The following LOC400499 variants were observed in gnomAD, a reference collection of about 807,000 sequenced individuals.
chr16:11,424,841 T>G, the LOC400499 span, among the ~76,000 whole-genome samples: 1 of 152,174 alleles, frequency 6.6e-6, no homozygotes, highest in East Asian at 1.9e-4. Context: ...GCACAAGCTG[T>G]CCCAGGGAAT....
the LOC400499 span, among the ~76,000 whole-genome samples, chr16:11,509,250 T>A: frequency 6.6e-6 from 1 of 151,574 alleles, no homozygotes; most frequent in Admixed American, 6.6e-5. Context: ...CCTGAGTAGC[T>A]GGGACTACAG....
At chr16:11,377,034 G>T in the LOC400499 span, among the ~76,000 whole-genome samples, 2 of 151,096 alleles carry the variant, frequency 1.3e-5, no homozygotes, top group South Asian at 2.1e-4. Flanking sequence ...AAAACTGACA[G>T]CCTTGACCTC....
At chr16:11,380,601 A>C in the LOC400499 span, among the ~76,000 whole-genome samples, 1 of 152,184 alleles carries the variant, frequency 6.6e-6, no homozygotes, top group African/African-American at 2.4e-5. Context: ...GTAACTTATA[A>C]CCACCTTTTA....
chr16:11,474,115 TC>T, the LOC400499 span, among the ~76,000 whole-genome samples: 1 of 152,208 alleles, frequency 6.6e-6, no homozygotes, highest in Non-Finnish European at 1.5e-5. Flanking sequence ...CACCTCGGCC[TC>T]CCGAAGTGTG....
At chr16:11,493,246 G>A in the LOC400499 span, among the ~76,000 whole-genome samples, 1 of 152,234 alleles carries the variant, frequency 6.6e-6, no homozygotes, top group Non-Finnish European at 1.5e-5. Context: ...TGCAGGCCAT[G>A]CGGTCTCTTG....
At chr16:11,394,395 G>C in the LOC400499 span, among the ~76,000 whole-genome samples, 3 of 152,218 alleles carry the variant, frequency 2.0e-5, no homozygotes, top group African/African-American at 7.2e-5. Context: ...AGACACTGCA[G>C]CTAACAAGCT....
At chr16:11,427,298 A>T in the LOC400499 span, among the ~76,000 whole-genome samples, 1 of 141,716 alleles carries the variant, frequency 7.1e-6, no homozygotes, top group Admixed American at 7.3e-5. Flanking sequence ...CGGTAAGCTG[A>T]GATGGCGCCA....
At chr16:11,396,389 C>T in the LOC400499 span, 3 of 953,376 alleles carry the variant, frequency 3.1e-6, no homozygotes, top group Non-Finnish European at 4.1e-6. Context: ...GTTTGCAGTT[C>T]CTCAGATAGC....
At chr16:11,443,960 G>A in the LOC400499 span, among the ~76,000 whole-genome samples, 2 of 152,014 alleles carry the variant, frequency 1.3e-5, no homozygotes, top group Non-Finnish European at 2.9e-5. Flanking sequence ...TAAGCCTCCG[G>A]GGTAGCTGGG....
At chr16:11,504,422 G>A in the LOC400499 span, among the ~76,000 whole-genome samples, 1 of 152,048 alleles carries the variant, frequency 6.6e-6, no homozygotes, top group South Asian at 2.1e-4. Flanking sequence ...CAGGCGTGGT[G>A]TTGCATGCTT....
the LOC400499 span, among the ~76,000 whole-genome samples, chr16:11,501,198 C>A: frequency 6.6e-6 from 1 of 152,022 alleles, no homozygotes; most frequent in Admixed American, 6.6e-5. Flanking sequence ...CCAAGAAACA[C>A]TGGTGTGGGA....
At chr16:11,525,921 G>A in the LOC400499 span, among the ~76,000 whole-genome samples, 1 of 152,166 alleles carries the variant, frequency 6.6e-6, no homozygotes, top group South Asian at 2.1e-4. Context: ...TCTTCAATCA[G>A]ATCCTACTCA....
the LOC400499 span, among the ~76,000 whole-genome samples, chr16:11,459,243 C>A: frequency 7.3e-6 from 1 of 137,052 alleles, no homozygotes; most frequent in Non-Finnish European, 1.5e-5. Flanking sequence ...TTCGCCCAGG[C>A]CAGACTGCAG....
chr16:11,414,979 C>T, the LOC400499 span, among the ~76,000 whole-genome samples: 1 of 152,214 alleles, frequency 6.6e-6, no homozygotes, highest in African/African-American at 2.4e-5. Flanking sequence ...AGGACAGCTC[C>T]TGACATGCAG....
the LOC400499 span, chr16:11,450,912 G>T: frequency 8.8e-7 from 1 of 1,132,346 alleles, no homozygotes; most frequent in Non-Finnish European, 1.2e-6. Context: ...CATCACAGCC[G>T]CAATGGACAA....
At chr16:11,386,730 C>A in the LOC400499 span, among the ~76,000 whole-genome samples, 2 of 152,264 alleles carry the variant, frequency 1.3e-5, no homozygotes, top group Non-Finnish European at 2.9e-5. Flanking sequence ...TTAGACTTGA[C>A]TTGCCTGGCC....
At chr16:11,505,297 A>T in the LOC400499 span, among the ~76,000 whole-genome samples, 1 of 152,128 alleles carries the variant, frequency 6.6e-6, no homozygotes, top group Non-Finnish European at 1.5e-5. Context: ...TCATATTTCC[A>T]CCACACAGTT....
the LOC400499 span, chr16:11,435,933 G>A: frequency 2.5e-6 from 1 of 398,942 alleles, no homozygotes; most frequent in Admixed American, 4.4e-5. Context: ...TGGGTGTGGG[G>A]GAGGGCTGCC....
At chr16:11,506,408 T>C in the LOC400499 span, among the ~76,000 whole-genome samples, 1 of 152,224 alleles carries the variant, frequency 6.6e-6, no homozygotes, top group South Asian at 2.1e-4. Context: ...TGTGAGCCAG[T>C]ATGAGCCAGT....
Sources: allele counts gnomAD v4.1 joint callset (sites outside exome capture counted in the v4.1 genomes callset), GRCh38; gene constraint gnomAD v4.1.1; transcripts MANE v1.5.